FBXW4: variants seen among roughly 807,000 people sequenced by gnomAD.
The protein encoded by FBXW4 is F-box/WD repeat-containing protein 4.
FBXW4 carries 40 observed loss-of-function variants against 61.8 expected under a neutral mutation model. The ratio of observed to expected loss-of-function variants is 0.65; its 90% CI spans 0.50 to 0.84. The LOEUF (loss-of-function observed/expected upper bound fraction) is 0.84. Among genes scored for constraint, FBXW4 ranks in the 40% least tolerant of loss-of-function variants. The probability of loss-of-function intolerance (pLI) is 0.00; values close to 1 mark genes in which losing one functional copy is unlikely to be tolerated. For missense variants in FBXW4, 672 were observed against 753.8 expected, an observed-to-expected ratio of 0.89 and a Z score of 1.27; for synonymous variants, 311 against 313.8, an observed-to-expected ratio of 0.99 and a Z score of 0.10.
In FBXW4 at chr10:101,660,732, G is replaced by C. The variant is rs376076143; in HGVS notation, c.1235+7154C>G. ...TTCCCATTTCCCTTCCTGATGAGCA[G>C]AGTGGAAGAAAGAGTGGTGCAGGTA... On this transcript the variant is annotated intron_variant, in intron 5 of 8. Transcript: ENST00000331272. Among the ~76,000 whole-genome samples, 7 of 152,324 alleles carry C rather than the reference G, an allele frequency of 4.6e-5. No individual in the cohort carries two copies. The East Asian group carries it at 7.7e-4, about 17-fold the overall frequency.
At chr10:101,631,371 C>G (rs2134828024) in intron 5 of FBXW4, among the ~76,000 whole-genome samples, 1 of 151,762 alleles carries the variant, frequency 6.6e-6, no homozygotes, top group South Asian at 2.1e-4. Flanking sequence ...AATGATGTTC[C>G]CAAATAATAC....
At chr10:101,666,483 T>A (rs1056176997) in intron 5 of FBXW4, among the ~76,000 whole-genome samples, 7 of 151,304 alleles carry the variant, frequency 4.6e-5, no homozygotes, top group African/African-American at 1.7e-4. Context: ...CTCCATGGGG[T>A]GAGGAGAAAG....
At chr10:101,658,374 G>T (rs368922465) in intron 5 of FBXW4, among the ~76,000 whole-genome samples, 2 of 152,046 alleles carry the variant, frequency 1.3e-5, no homozygotes, top group Non-Finnish European at 2.9e-5. Context: ...GTGAAACCCC[G>T]TCTCTACTAA....
At chr10:101,645,246 G>A (rs986976559) in intron 5 of FBXW4, among the ~76,000 whole-genome samples, 4 of 152,170 alleles carry the variant, frequency 2.6e-5, no homozygotes, top group Non-Finnish European at 5.9e-5. Context: ...ACACCCCTGC[G>A]GCATGGAACA....
chr10:101,667,723 GT>G (rs1222217685), intron 5 of FBXW4, among the ~76,000 whole-genome samples, 162 bp downstream of exon 5: 2 of 152,156 alleles, frequency 1.3e-5, no homozygotes, highest in Non-Finnish European at 2.9e-5. Context: ...CATATATGAA[GT>G]GGCCTAAATA....
chr10:101,637,391 CAAAAAAAAAAAAAAA>C (rs908050683), intron 5 of FBXW4, among the ~76,000 whole-genome samples: 1 of 14,852 alleles, frequency 6.7e-5, no homozygotes, highest in African/African-American at 2.7e-4. Context: ...GACTCCGTCT[CAAAAAAAAAAAAAAA>C]AAAAAAAAAA....
intron 1 of FBXW4, among the ~76,000 whole-genome samples, chr10:101,687,399 T>C (rs2064544774): frequency 6.6e-6 from 1 of 152,188 alleles, no homozygotes; most frequent in African/African-American, 2.4e-5. Flanking sequence ...CTTTCTCTAC[T>C]TTCTTAAAGC....
chr10:101,659,003 C>A (rs2064217797), intron 5 of FBXW4, among the ~76,000 whole-genome samples: 2 of 151,986 alleles, frequency 1.3e-5, no homozygotes, highest in African/African-American at 4.8e-5. Context: ...TCAGGTTCCT[C>A]TTTAGCCTTG....
At chr10:101,669,052 C>G (rs936326976) in intron 4 of FBXW4, among the ~76,000 whole-genome samples, 1 of 152,090 alleles carries the variant, frequency 6.6e-6, no homozygotes, top group African/African-American at 2.4e-5. Context: ...GGTGGTCCTG[C>G]CTTCTTAAGA....
At position 101,673,684 on chromosome 10, in the gene FBXW4, G is replaced by A. The variant is rs540055383; in HGVS notation, c.822-11C>T. ...ATCCAGGGCATCTGACTGAAATGAT[G>A]GAAAAGAAAATTTAAAAGTCATCAA... On this transcript the variant is annotated splice_polypyrimidine_tract_variant and intron_variant, in intron 2 of 8. Coordinates refer to ENST00000331272, the MANE Select transcript of FBXW4 (RefSeq NM_022039.4). 2.4e-5 allele frequency: 38 copies of A among 1,607,710 alleles called. No individual in the cohort carries two copies. In the East Asian group the frequency reaches 7.6e-4, roughly 32 times the overall value.
At chr10:101,644,962 T>C (rs763957239) in intron 5 of FBXW4, among the ~76,000 whole-genome samples, 1 of 152,176 alleles carries the variant, frequency 6.6e-6, no homozygotes, top group Non-Finnish European at 1.5e-5. Context: ...AGGAGCAGTT[T>C]GGCACATGGT....
At chr10:101,649,145 G>A (rs1311661677) in intron 5 of FBXW4, among the ~76,000 whole-genome samples, 1 of 152,130 alleles carries the variant, frequency 6.6e-6, no homozygotes, top group African/African-American at 2.4e-5. Context: ...GAAGCATGCT[G>A]AACTCCAATT....
upstream of FBXW4, chr10:101,695,247 C>A (rs554653170): frequency 1.3e-5 from 13 of 964,100 alleles, no homozygotes; most frequent in South Asian, 5.3e-4. This position sits in a 1 kb window ranked among gnomAD's most constrained non-coding sequence, Gnocchi z 4.2. Context: ...CACCTGCAGC[C>A]TTGGAGCCAC....
intron 6 of FBXW4, among the ~76,000 whole-genome samples, chr10:101,615,468 G>A (rs186952925): frequency 1.3e-5 from 2 of 152,106 alleles, no homozygotes; most frequent in African/African-American, 2.4e-5. Flanking sequence ...TGAGCCTGAT[G>A]AATGAGACAC....
intron 5 of FBXW4, among the ~76,000 whole-genome samples, chr10:101,635,047 T>C (rs865793961): frequency 1.3e-5 from 2 of 149,298 alleles, no homozygotes; most frequent in African/African-American, 5.0e-5. Flanking sequence ...AGGTAAGTGG[T>C]GGGCAAGCAA....
At chr10:101,638,060 C>T (rs1233607780) in intron 5 of FBXW4, among the ~76,000 whole-genome samples, 1 of 152,176 alleles carries the variant, frequency 6.6e-6, no homozygotes, top group Non-Finnish European at 1.5e-5. Flanking sequence ...TGTCTAAAAA[C>T]TTTTTGGTGC....
At chr10:101,675,422 C>T (rs926939882) in intron 2 of FBXW4, among the ~76,000 whole-genome samples, 2 of 152,200 alleles carry the variant, frequency 1.3e-5, no homozygotes, top group Admixed American at 1.3e-4. Flanking sequence ...ATTTGCCAAA[C>T]TGCTTGAAAC....
intron 6 of FBXW4, among the ~76,000 whole-genome samples, chr10:101,620,056 A>G (rs2063856122): frequency 6.6e-6 from 1 of 152,224 alleles, no homozygotes; most frequent in Non-Finnish European, 1.5e-5. Flanking sequence ...CTGCCCCTCC[A>G]GTACTCCCCG....
At chr10:101,650,814 G>A (rs894413354) in intron 5 of FBXW4, among the ~76,000 whole-genome samples, 2 of 152,134 alleles carry the variant, frequency 1.3e-5, no homozygotes, top group African/African-American at 2.4e-5. Flanking sequence ...ACACAGGCCC[G>A]CATTAAAATC....
Sources: gnomAD v4.1 joint callset for allele counts (sites outside exome capture counted in the v4.1 genomes callset) on GRCh38, gnomAD v4.1.1 for gene constraint, Gnocchi (gnomAD v3.1) non-coding constraint, MANE v1.5 for transcripts, NCBI Gene and HGNC (gene_info 2026-07-23, HGNC 2026-07-21) for gene names.